The following METTL2A variants were observed in gnomAD, a reference collection of about 807,000 sequenced individuals.
METTL2A encodes the protein methyltransferase 2A, tRNA N3-cytidine, also known as tRNA N(3)-cytidine methyltransferase METTL2A.
In METTL2A, 45 loss-of-function variants were observed where a neutral mutation model predicts 49.4. The ratio of observed to expected loss-of-function variants is 0.91; its 90% confidence interval spans 0.72 to 1.17. The LOEUF is 1.17. Among genes scored for constraint, METTL2A ranks in the 50% most tolerant of loss-of-function variants. METTL2A has a pLI of 0.00. For synonymous variants in METTL2A, 118 were observed against 167.5 expected (o/e 0.70, Z 2.28); for missense variants, 361 against 462.2 (o/e 0.78, Z 2.01).
intron 7 of METTL2A, among the ~76,000 whole-genome samples, chr17:62,445,592 A>G (rs1240392024): frequency 6.6e-6 from 1 of 152,188 alleles, no homozygotes; most frequent in Non-Finnish European, 1.5e-5. Context: ...TGAGTTCAAG[A>G]GTTCAAGACC....
At chr17:62,437,500 T>G (rs1332276046) in intron 5 of METTL2A, among the ~76,000 whole-genome samples, 4 of 152,160 alleles carry the variant, frequency 2.6e-5, no homozygotes, top group Non-Finnish European at 4.4e-5. Flanking sequence ...AAGCTCACCC[T>G]GTTCAGGGGT....
chr17:62,430,314 T>G (rs2070656110), intron 4 of METTL2A, among the ~76,000 whole-genome samples: 1 of 152,208 alleles, frequency 6.6e-6, no homozygotes, highest in Admixed American at 6.5e-5. Context: ...CATCAATGCA[T>G]GTAAAATAAT....
In METTL2A at chr17:62,424,014, T is replaced by C. The variant is rs756200480; in HGVS notation, c.110+2T>C. 6.8e-5 allele frequency: 110 copies of C among 1,613,562 alleles called. No homozygotes were observed. The Admixed American group carries it at 1.8e-3, about 26-fold the overall frequency. On this transcript the variant is annotated splice_donor_variant, in intron 1 of 8. Transcript: ENST00000311506. LOFTEE classifies it high-confidence loss of function. ...GCGCGTCTTCCACCACAATGCCTGG[T>C]AATCACTCTGCCCCTTCGCCCGGCC...
chr17:62,425,587 G>C (rs950626377), intron 2 of METTL2A, among the ~76,000 whole-genome samples: 1 of 147,340 alleles, frequency 6.8e-6, no homozygotes, highest in Admixed American at 6.8e-5. Flanking sequence ...GGGTTTCACC[G>C]TGCTGGCCAG....
At chr17:62,433,838 GAT>G (rs2070682636) in intron 4 of METTL2A, among the ~76,000 whole-genome samples, 1 of 151,890 alleles carries the variant, frequency 6.6e-6, no homozygotes, top group Admixed American at 6.6e-5. Flanking sequence ...AAGGCAGGTG[GAT>G]CACCTGAGGT....
intron 2 of METTL2A, among the ~76,000 whole-genome samples, chr17:62,424,730 G>T (rs937938402): frequency 6.6e-6 from 1 of 151,952 alleles, no homozygotes; most frequent in Non-Finnish European, 1.5e-5. Flanking sequence ...GGGGGCTAGT[G>T]ACTGGTGACT....
Position 62,451,866 on chromosome 17 carries a change from G to A in METTL2A, c.*3137G>A, listed in dbSNP as rs2070807856. ...GATGGCACCATTGCACTCCAGCCTGGGCAACAAGAGTGAAACTCCGTCTCA... is the reference window on the plus strand; with the variant it reads ...GATGGCACCATTGCACTCCAGCCTGAGCAACAAGAGTGAAACTCCGTCTCA... On this transcript the variant is annotated 3_prime_UTR_variant, in exon 9 of 9. Coordinates refer to ENST00000311506, the MANE Select transcript of METTL2A (RefSeq NM_181725.4). Among the ~76,000 whole-genome samples, 1 of 150,452 alleles carries A rather than the reference G, an allele frequency of 6.6e-6. No homozygotes were observed. The highest frequency in any genetic ancestry group is 2.1e-4 in the South Asian group (1 of 4,734).
chr17:62,438,698 C>G (rs925947946), intron 5 of METTL2A, among the ~76,000 whole-genome samples: 19 of 152,126 alleles, frequency 1.2e-4, no homozygotes, highest in Admixed American at 8.5e-4. Context: ...AATATTGAAG[C>G]CTACCTTTAC....
Position 62,426,391 on chromosome 17 carries a change from G to A in METTL2A, c.295G>A (p.Glu99Lys), listed in dbSNP as rs757983960. Residue 99 changes from glutamate to lysine, a missense_variant, in exon 3 of 9, where the codon GAA becomes AAA. Coordinates refer to ENST00000311506, the MANE Select transcript of METTL2A (RefSeq NM_181725.4). ...CAAGGATAGACATTGGCTTTTTACC[G>A]AATTCCCTGAGCTGGCACCTAGCCA... ...FFKDRHWLFT[E>K]FPELAPSQNQ... The A allele has an allele frequency of 6.2e-6, 10 of 1,613,898 alleles. No individual in the cohort carries two copies. The highest frequency in any genetic ancestry group is 1.7e-5 in the Admixed American group (1 of 59,980).
intron 4 of METTL2A, 144 bp downstream of exon 4, chr17:62,427,981 A>G: frequency 9.4e-7 from 1 of 1,061,132 alleles, no homozygotes; most frequent in African/African-American, 1.6e-5. Flanking sequence ...CAGCCAGGGC[A>G]ATGTAGCAAG....
intron 4 of METTL2A, among the ~76,000 whole-genome samples, chr17:62,431,054 G>T (rs536591108): frequency 4.0e-5 from 6 of 151,466 alleles, no homozygotes; most frequent in Admixed American, 3.3e-4. Context: ...TAGTAGAGAC[G>T]GGGTTTCTCC....
rs2070814135 is a variant in METTL2A, at chr17:62,453,165, T to G, written c.*4436T>G. 2.0e-5 allele frequency among the ~76,000 whole-genome samples: 3 copies of G among 152,170 alleles called. No homozygotes were observed. ...CCTGGTTTGGGCTTTGGGCTTAGAT[T>G]AAAAAGACGAGCCTTCTCCTGCCCC... is the stretch of plus-strand genomic sequence containing the variant. On this transcript the variant is annotated 3_prime_UTR_variant, in exon 9 of 9. Coordinates refer to ENST00000311506, the MANE Select transcript of METTL2A (RefSeq NM_181725.4).
Position 62,452,265 on chromosome 17 carries a change from G to A in METTL2A, c.*3536G>A, listed in dbSNP as rs190908040. 2.0e-5 allele frequency among the ~76,000 whole-genome samples: 3 copies of A among 152,238 alleles called. No individual in the cohort carries two copies. The highest frequency in any genetic ancestry group is 2.0e-4 in the Admixed American group (3 of 15,262). On this transcript the variant is annotated 3_prime_UTR_variant, in exon 9 of 9. Coordinates refer to ENST00000311506, the MANE Select transcript of METTL2A (RefSeq NM_181725.4). ...GCATTTTGGGCAGGAATATTCAGAGGTAATGCTGTGTTCCTCCCATAGGAT... is the reference window on the plus strand; with the variant it reads ...GCATTTTGGGCAGGAATATTCAGAGATAATGCTGTGTTCCTCCCATAGGAT...
chr17:62,442,302 G>T (rs1048071335), intron 6 of METTL2A, among the ~76,000 whole-genome samples: 1 of 151,662 alleles, frequency 6.6e-6, no homozygotes, highest in African/African-American at 2.4e-5. Flanking sequence ...CTGAGATGGA[G>T]TCTCACTCTG....
At chr17:62,434,783 G>C (rs1401659004) in intron 4 of METTL2A, 2 of 181,762 alleles carry the variant, frequency 1.1e-5, no homozygotes, top group African/African-American at 4.7e-5. Flanking sequence ...GTAGTGTTTG[G>C]TGAACTAATA....
At chr17:62,430,205 AGAAAAG>A (rs1390231508) in intron 4 of METTL2A, among the ~76,000 whole-genome samples, 1 of 152,228 alleles carries the variant, frequency 6.6e-6, no homozygotes, top group Non-Finnish European at 1.5e-5. Flanking sequence ...CTAACACTGA[AGAAAAG>A]AGATTGTTCT....
Position 62,452,410 on chromosome 17 carries a change from A to G in METTL2A, c.*3681A>G, listed in dbSNP as rs751554287. ...GTATTTTGTAGGGAAGTGCTTTGAG[A>G]CTAAATATCCTGTTCCTCATCAAAC... On this transcript the variant is annotated 3_prime_UTR_variant, in exon 9 of 9. Coordinates refer to ENST00000311506, the MANE Select transcript of METTL2A (RefSeq NM_181725.4). 3.9e-5 allele frequency among the ~76,000 whole-genome samples: 6 copies of G among 152,168 alleles called. No individual in the cohort carries two copies. The highest frequency in any genetic ancestry group is 8.8e-5 in the Non-Finnish European group (6 of 68,036).
chr17:62,439,750 C>T (rs1598034886), intron 5 of METTL2A, among the ~76,000 whole-genome samples: 1 of 151,780 alleles, frequency 6.6e-6, no homozygotes, highest in Non-Finnish European at 1.5e-5. Flanking sequence ...TGTGCTGTCT[C>T]TCTCCTTACG....
chr17:62,427,401 T>A (rs974626389), intron 3 of METTL2A, among the ~76,000 whole-genome samples: 34 of 152,336 alleles, frequency 2.2e-4, no homozygotes, highest in Admixed American at 4.6e-4. Context: ...CAGCACTGTG[T>A]TTAGGACAAG....
Sources: allele counts gnomAD v4.1 joint callset (sites outside exome capture counted in the v4.1 genomes callset), GRCh38; gene constraint gnomAD v4.1.1; transcripts MANE v1.5; gene names NCBI Gene and HGNC (gene_info 2026-07-23, HGNC 2026-07-21).